ZNF331: variants seen among roughly 807,000 people sequenced by gnomAD.
The protein encoded by ZNF331 is C2H2-like zinc finger protein rearranged in thyroid adenomas.
In ZNF331, 2 loss-of-function variants were observed where a neutral mutation model predicts 7.0. The observed-to-expected ratio is 0.29, with a 90% confidence interval of 0.12 to 0.90. The LOEUF (loss-of-function observed/expected upper bound fraction) is 0.90, where lower values mean the gene tolerates loss of function less well. Ranked by LOEUF, ZNF331 falls within the 40% of genes least tolerant of loss-of-function variation. The pLI is 0.58. For missense variants in ZNF331, 432 were observed against 587.7 expected, an observed-to-expected ratio of 0.74 and a Z score of 2.74; for synonymous variants, 196 against 205.4, an observed-to-expected ratio of 0.95 and a Z score of 0.39.
upstream of ZNF331, among the ~76,000 whole-genome samples, chr19:53,518,623 A>C (rs902525526): frequency 5.9e-5 from 9 of 152,252 alleles, no homozygotes; most frequent in Non-Finnish European, 1.5e-5. Context: ...AATATTGCAA[A>C]CCATACATAG....
chr19:53,571,877 G>A lies in ZNF331; in HGVS notation c.136+147G>A. 1 of 1,046,004 alleles carries A rather than the reference G, an allele frequency of 9.6e-7. No homozygotes were observed. 64.8% of individuals were successfully genotyped at this position (1,046,004 alleles called of 1,614,324 possible). A position where few individuals can be genotyped will look rare whatever the true frequency, so the allele number is the denominator to read the frequency against. On this transcript the variant is annotated intron_variant, in intron 5 of 5. Coordinates refer to ENST00000449416, the MANE Select transcript of ZNF331 (RefSeq NM_001079906.2). This position sits in a 1 kb window ranked among gnomAD's most constrained non-coding sequence, Gnocchi z 4.7. ...TTGAGCCTTATTGATGTGGCCGTGA[G>A]CACCACAACCTTCCCCTCCCATCCA...
chr19:53,535,906 A>T (rs950825331), upstream of ZNF331, among the ~76,000 whole-genome samples: 13 of 151,964 alleles, frequency 8.6e-5, no homozygotes, highest in Admixed American at 8.5e-4. Flanking sequence ...CCCAGGTTCA[A>T]GCGAATCTCC....
upstream of ZNF331, chr19:53,537,823 G>A (rs2087830876): frequency 7.6e-6 from 1 of 131,258 alleles, no homozygotes; most frequent in Non-Finnish European, 1.8e-5. Context: ...ACACGTGTCA[G>A]TGTGTCCGCG....
chr19:53,525,452 T>C (rs553800242), intron 2 of ZNF331, among the ~76,000 whole-genome samples: 2 of 152,208 alleles, frequency 1.3e-5, no homozygotes, highest in Non-Finnish European at 2.9e-5. Flanking sequence ...TTTGTAGTTC[T>C]CCTTGAAGAG....
At chr19:53,522,851 A>G (rs1278898447) in intron 2 of ZNF331, among the ~76,000 whole-genome samples, 1 of 152,170 alleles carries the variant, frequency 6.6e-6, no homozygotes, top group East Asian at 1.9e-4. Flanking sequence ...CCATTGACCT[A>G]CCCTCTTCTA....
intron 3 of ZNF331, among the ~76,000 whole-genome samples, chr19:53,556,116 G>A (rs565481258): frequency 2.2e-3 from 329 of 151,460 alleles, no homozygotes; most frequent in African/African-American, 7.7e-3. Flanking sequence ...GGTGGTGGGC[G>A]CCTGTAGTCC....
At chr19:53,563,593 A>T (rs1049520801) in intron 3 of ZNF331, among the ~76,000 whole-genome samples, 3 of 137,994 alleles carry the variant, frequency 2.2e-5, no homozygotes, top group African/African-American at 6.5e-5. Context: ...TAATGTAAGT[A>T]AAAAAAAAAG....
At position 53,579,629 on chromosome 19, in the gene ZNF331, G is replaced by A. The variant is rs1410558895; in HGVS notation, c.*1677G>A. 1 of 199,796 alleles carries A rather than the reference G, an allele frequency of 5.0e-6. No individual in the cohort carries two copies. Among genetic ancestry groups the A allele is most frequent in the Non-Finnish European group, 1.0e-5 (1 of 96,726 alleles). The allele number at this position is 199,796 out of a possible 1,614,324, so 12.4% of individuals were successfully genotyped here. A position where few individuals can be genotyped will look rare whatever the true frequency, so the allele number is the denominator to read the frequency against. On this transcript the variant is annotated 3_prime_UTR_variant, in exon 6 of 6. Transcript: ENST00000449416. ...AATTTTTACAAGAAAACTCCCTGTG[G>A]GTGCAATGAGTCTGGAAAAGACCAT... is the stretch of plus-strand genomic sequence containing the variant.
chr19:53,507,525 G>A, the ZNF331 span, among the ~76,000 whole-genome samples: 7 of 152,256 alleles, frequency 4.6e-5, no homozygotes, highest in East Asian at 1.9e-4. Context: ...CCTTCTCCAC[G>A]GTCTGAAGCA....
intron 3 of ZNF331, among the ~76,000 whole-genome samples, chr19:53,566,441 C>T (rs1270508434): frequency 2.6e-5 from 4 of 152,074 alleles, no homozygotes; most frequent in Non-Finnish European, 4.4e-5. Context: ...TACAGGCACC[C>T]GCCACCAGGC....
At chr19:53,564,996 T>A (rs2090086775) in intron 3 of ZNF331, among the ~76,000 whole-genome samples, 1 of 152,238 alleles carries the variant, frequency 6.6e-6, no homozygotes, top group South Asian at 2.1e-4. Flanking sequence ...TATAGCTATT[T>A]CCTTGTCATA....
At chr19:53,541,797 A>G (rs2088195298) in intron 2 of ZNF331, among the ~76,000 whole-genome samples, 1 of 152,176 alleles carries the variant, frequency 6.6e-6, no homozygotes, top group African/African-American at 2.4e-5. Context: ...ACTTGAGGCC[A>G]GGAGTCTGAG....
chr19:53,540,269 C>G (rs1396760661), intron 2 of ZNF331, among the ~76,000 whole-genome samples: 2 of 152,128 alleles, frequency 1.3e-5, no homozygotes, highest in Non-Finnish European at 2.9e-5. Flanking sequence ...GGCTGGAAGT[C>G]TGAGAAGAGG....
At chr19:53,536,312 T>C (rs1394634632), upstream of ZNF331, 1 of 72,662 alleles carries the variant, frequency 1.4e-5, no homozygotes, top group Admixed American at 1.4e-4. Context: ...CATTGTACTA[T>C]CTTTCTTGTG....
intron 3 of ZNF331, among the ~76,000 whole-genome samples, chr19:53,564,661 T>G (rs1258262126): frequency 6.6e-6 from 1 of 152,240 alleles, no homozygotes; most frequent in Non-Finnish European, 1.5e-5. Flanking sequence ...ATCAATATCA[T>G]TAGTAAATGT....
intron 2 of ZNF331, among the ~76,000 whole-genome samples, chr19:53,542,484 A>G (rs376539177): frequency 2.0e-5 from 3 of 152,342 alleles, no homozygotes; most frequent in East Asian, 1.9e-4. Context: ...TGTATAAGTA[A>G]CATTTCCAAG....
the ZNF331 span, among the ~76,000 whole-genome samples, chr19:53,510,006 G>A: frequency 6.6e-6 from 1 of 152,268 alleles, no homozygotes; most frequent in East Asian, 1.9e-4. Flanking sequence ...AACAGCAAGG[G>A]GGAAATCCGC....
At chr19:53,567,672 C>T (rs760024618) in intron 3 of ZNF331, among the ~76,000 whole-genome samples, 5 of 150,922 alleles carry the variant, frequency 3.3e-5, no homozygotes, top group African/African-American at 7.4e-5. Context: ...TATAGTGAGA[C>T]GCAATCTCTA....
intron 2 of ZNF331, among the ~76,000 whole-genome samples, chr19:53,532,423 G>GT (rs1225519323): frequency 1.3e-5 from 2 of 152,112 alleles, no homozygotes; most frequent in Non-Finnish European, 2.9e-5. Context: ...GATTTTCCTG[G>GT]TTTTTAAGGC....
Sources: allele counts gnomAD v4.1 joint callset (sites outside exome capture counted in the v4.1 genomes callset), GRCh38; gene constraint gnomAD v4.1.1; non-coding constraint Gnocchi (gnomAD v3.1); transcripts MANE v1.5; gene names NCBI Gene and HGNC (gene_info 2026-07-23, HGNC 2026-07-21).